Variants in DNAAF4 observed in about 807,000 individuals in gnomAD.
DNAAF4 encodes dynein axonemal assembly factor 4.
A neutral mutation model predicts 51.8 loss-of-function variants in DNAAF4; 43 were observed. That is an observed-to-expected ratio of 0.83 (90% CI 0.65 to 1.07). The LOEUF is 1.07. Among genes scored for constraint, DNAAF4 ranks in the 50% least tolerant of loss-of-function variants. The pLI, the probability that DNAAF4 is intolerant of heterozygous loss-of-function variation, is 0.00. For missense variants in DNAAF4, 581 were observed against 493.0 expected (o/e 1.18, Z -1.69); for synonymous variants, 194 against 165.6 (o/e 1.17, Z -1.32).
chr15:55,498,298 T>C lies in DNAAF4; in HGVS notation c.32A>G (p.Gln11Arg). MPLQVSDYSW[Q>R]QTKTAVFLSL... ...CAGAAAGACCGCAGTCTTCGTCTGCTGCCAGCTGTAATCGCTAACCTGAAG... is the reference window on the plus strand; with the variant it reads ...CAGAAAGACCGCAGTCTTCGTCTGCCGCCAGCTGTAATCGCTAACCTGAAG... Residue 11 changes from glutamine to arginine, a missense_variant, in exon 2 of 10, where the codon CAG becomes CGG. Coordinates refer to ENST00000321149, the MANE Select transcript of DNAAF4 (RefSeq NM_130810.4). The C allele has an allele frequency of 1.2e-6, 2 of 1,613,132 alleles. No homozygotes were observed. Among genetic ancestry groups the C allele is most frequent in the Non-Finnish European group, 8.5e-7 (1 of 1,179,518 alleles).
At chr15:55,489,896 C>T (rs374617425) in intron 4 of DNAAF4, among the ~76,000 whole-genome samples, 2 of 142,344 alleles carry the variant, frequency 1.4e-5, no homozygotes, top group East Asian at 2.1e-4. Flanking sequence ...TTTTTTGAGA[C>T]GGCGTCTCAC....
At chr15:55,490,564 C>T (rs970318452) in intron 4 of DNAAF4, among the ~76,000 whole-genome samples, 4 of 152,136 alleles carry the variant, frequency 2.6e-5, no homozygotes, top group African/African-American at 9.7e-5. Flanking sequence ...AAAACACTTG[C>T]ACCATTGAAA....
chr15:55,475,765 G>C (rs537801952), intron 4 of DNAAF4, among the ~76,000 whole-genome samples: 3 of 152,230 alleles, frequency 2.0e-5, no homozygotes, highest in African/African-American at 7.2e-5. Flanking sequence ...TTGCTAAAAA[G>C]GGTGGGCTCA....
intron 5 of DNAAF4, among the ~76,000 whole-genome samples, chr15:55,455,476 C>T (rs1183072875): frequency 6.6e-6 from 1 of 150,878 alleles, no homozygotes; most frequent in East Asian, 2.0e-4. Context: ...CTGTCACCCA[C>T]ACTGGAATGC....
At position 55,439,597 on chromosome 15, in the gene DNAAF4, A is replaced by C. The variant is rs749896311; in HGVS notation, c.784-16T>G. ...TGTGTAGCCACTAGAATGAGAAAGA[A>C]GTCTTATGAAGAATAAAAAGGTCTT... On this transcript the variant is annotated splice_polypyrimidine_tract_variant and intron_variant, in intron 6 of 9. Coordinates refer to ENST00000321149, the MANE Select transcript of DNAAF4 (RefSeq NM_130810.4). 1 of 1,596,584 alleles carries C rather than the reference A, an allele frequency of 6.3e-7. No homozygotes were observed. Among genetic ancestry groups the C allele is most frequent in the Non-Finnish European group, 8.5e-7 (1 of 1,171,690 alleles).
intron 7 of DNAAF4, chr15:55,418,782 G>C: frequency 2.3e-6 from 1 of 435,476 alleles, no homozygotes; most frequent in Non-Finnish European, 4.0e-6. Flanking sequence ...AAGTGTTTTA[G>C]TCCATGTAAT....
At chr15:55,504,086 A>G (rs142261018) in intron 1 of DNAAF4, among the ~76,000 whole-genome samples, 6,535 of 152,286 alleles carry the variant, frequency 0.043, 481 homozygotes, top group African/African-American at 0.15. Flanking sequence ...GTCTCAGGAT[A>G]CAAAATCAAT....
chr15:55,441,924 C>T (rs1270641658), intron 6 of DNAAF4, among the ~76,000 whole-genome samples: 1 of 152,154 alleles, frequency 6.6e-6, no homozygotes, highest in African/African-American at 2.4e-5. Flanking sequence ...TGTTCAGATA[C>T]AACAAAGCTA....
intron 3 of DNAAF4, among the ~76,000 whole-genome samples, chr15:55,496,637 G>C (rs1203143262): frequency 1.3e-5 from 2 of 152,144 alleles, no homozygotes; most frequent in African/African-American, 4.8e-5. Context: ...CTTAAGACAT[G>C]AGCCCACATC....
At chr15:55,418,202 T>A in intron 7 of DNAAF4, 2 of 1,569,580 alleles carry the variant, frequency 1.3e-6, no homozygotes, top group South Asian at 2.4e-5. Context: ...TGGAGAATGA[T>A]TTTATGTGTT....
rs542062287 is a variant in DNAAF4, at chr15:55,504,663, C to A, written c.-256+3459G>T. ...CTTTCACAAACCTGATAAAAACAAG[C>A]AATGGGGAAATGATTCCCTATTTAA... On this transcript the variant is annotated intron_variant, in intron 1 of 9. Transcript: ENST00000321149. Among the ~76,000 whole-genome samples, 83 of 152,242 alleles carry A rather than the reference C, an allele frequency of 5.5e-4. 1 individual carries two copies. Among genetic ancestry groups the A allele is most frequent in the Admixed American group, 2.1e-3 (32 of 15,272 alleles).
intron 9 of DNAAF4, among the ~76,000 whole-genome samples, chr15:55,432,235 G>A (rs2057507983): frequency 6.6e-6 from 1 of 152,172 alleles, no homozygotes; most frequent in Non-Finnish European, 1.5e-5. Flanking sequence ...ACAGGCATGA[G>A]CATCTGCACC....
At chr15:55,429,412 G>A (rs1355132038), downstream of DNAAF4, among the ~76,000 whole-genome samples, 1 of 151,074 alleles carries the variant, frequency 6.6e-6, no homozygotes, top group Non-Finnish European at 1.5e-5. Context: ...AGCTACTCAG[G>A]AGGCCTGAGG....
intron 4 of DNAAF4, among the ~76,000 whole-genome samples, chr15:55,470,114 C>T (rs913635213): frequency 1.3e-4 from 20 of 151,770 alleles, no homozygotes; most frequent in African/African-American, 3.4e-4. Context: ...TGCAGTGGCA[C>T]GATCTCGGCT....
intron 5 of DNAAF4, 104 bp downstream of exon 5, chr15:55,466,826 C>T (rs978695402): frequency 7.0e-7 from 1 of 1,419,624 alleles, no homozygotes; most frequent in African/African-American, 1.5e-5. Context: ...CTCAATGTGC[C>T]AAAACAGTAA....
intron 4 of DNAAF4, among the ~76,000 whole-genome samples, chr15:55,470,715 G>GT (rs61589701): frequency 0.59 from 89,341 of 151,448 alleles, 27,333 homozygotes; most frequent in East Asian, 0.92. Context: ...AATTTTTTAT[G>GT]TTATTTTTTT....
At chr15:55,484,821 C>T (rs2058464775) in intron 4 of DNAAF4, among the ~76,000 whole-genome samples, 1 of 152,148 alleles carries the variant, frequency 6.6e-6, no homozygotes, top group African/African-American at 2.4e-5. Context: ...AAGATGTGGG[C>T]TGGGAGGCTA....
intron 5 of DNAAF4, among the ~76,000 whole-genome samples, chr15:55,453,322 C>CA (rs1022605136): frequency 3.3e-5 from 5 of 151,802 alleles, no homozygotes; most frequent in African/African-American, 1.2e-4. Context: ...AGTGGTCAGG[C>CA]AAAAAAGCAC....
At chr15:55,464,465 A>C (rs1039387304) in intron 5 of DNAAF4, among the ~76,000 whole-genome samples, 1 of 152,220 alleles carries the variant, frequency 6.6e-6, no homozygotes, top group Non-Finnish European at 1.5e-5. Flanking sequence ...GACTTAATTA[A>C]ACTAAAAAGC....
Sources: allele counts gnomAD v4.1 joint callset (sites outside exome capture counted in the v4.1 genomes callset), GRCh38; gene constraint gnomAD v4.1.1; transcripts MANE v1.5; gene names NCBI Gene and HGNC (gene_info 2026-07-23, HGNC 2026-07-21).